Variants in MCFD2 observed in about 807,000 individuals in gnomAD.
MCFD2 encodes the protein multiple coagulation factor deficiency 2, ER cargo receptor complex subunit.
Under a neutral mutation model 12.8 loss-of-function variants are expected in MCFD2, and 11 were observed. The ratio of observed to expected loss-of-function variants is 0.86; its 90% confidence interval spans 0.54 to 1.42. The LOEUF is 1.42. MCFD2 is among the 40% of genes most tolerant of loss of function. The pLI is 0.00. For missense variants in MCFD2, 191 were observed against 178.6 expected (o/e 1.07, Z -0.40); for synonymous variants, 70 against 68.1 (o/e 1.03, Z -0.14).
At chr2:46,935,079 G>A (rs1669908437) in intron 1 of MCFD2, among the ~76,000 whole-genome samples, 1 of 152,102 alleles carries the variant, frequency 6.6e-6, no homozygotes, top group Non-Finnish European at 1.5e-5. Flanking sequence ...GATTACAGGT[G>A]TGAGCCACCA....
rs1668068210 is a variant in MCFD2, at chr2:46,902,889, CTGT to C, written c.*2571_*2573del. ...CTGAAAAGCATCCACTTGGCAAAGC[CTGT>C]TGTTTTACTTTTCAGGTGATGTGAA... On this transcript the variant is annotated 3_prime_UTR_variant, in exon 4 of 4. Transcript: ENST00000319466. The C allele has an allele frequency of 6.6e-6, 1 of 152,226 alleles. No individual in the cohort carries two copies. Among genetic ancestry groups the C allele is most frequent in the East Asian group, 1.9e-4 (1 of 5,206 alleles). The allele number at this position is 152,226 out of a possible 1,614,324, so 9.4% of individuals were successfully genotyped here. A position where few individuals can be genotyped will look rare whatever the true frequency, so the allele number is the denominator to read the frequency against.
chr2:46,905,663 A>G (rs1668192071), intron 3 of MCFD2, 69 bp from the exon 4 acceptor site: 1 of 1,411,256 alleles, frequency 7.1e-7, no homozygotes, highest in East Asian at 2.3e-5. Flanking sequence ...CTAACGTCCA[A>G]AATATCCATG....
intron 1 of MCFD2, among the ~76,000 whole-genome samples, chr2:46,933,662 G>A (rs1218781691): frequency 2.0e-5 from 3 of 152,236 alleles, no homozygotes; most frequent in Non-Finnish European, 4.4e-5. Flanking sequence ...ATTTCCGAAT[G>A]TAGCGATCCT....
rs1156510458 is a variant in MCFD2 at position 46,941,642 on chromosome 2, G to A, written c.-78C>T. 3.2e-6 allele frequency: 5 copies of A among 1,553,044 alleles called. No homozygotes were observed. Among genetic ancestry groups the A allele is most frequent in the Middle Eastern group, 1.7e-4 (1 of 5,954 alleles). ...TGGGACCGCATGCCGGAGCTGGTCC[G>A]GCAGCTGCAGACGCTGAGCATGCCC... On this transcript the variant is annotated 5_prime_UTR_variant, in exon 1 of 3. Coordinates refer to the MCFD2 transcript ENST00000409147. The surrounding 1 kb of genome is among the most constrained non-coding windows in gnomAD (Gnocchi z 4.2).
upstream of MCFD2, among the ~76,000 whole-genome samples, chr2:46,919,533 CTAAA>C (rs1248555311): frequency 6.6e-6 from 1 of 152,204 alleles, no homozygotes; most frequent in African/African-American, 2.4e-5. Context: ...AACTCTGTCT[CTAAA>C]TAAATAAATA....
chr2:46,917,985 C>T (rs1668903416), upstream of MCFD2, among the ~76,000 whole-genome samples: 1 of 152,190 alleles, frequency 6.6e-6, no homozygotes, highest in Admixed American at 6.5e-5. Context: ...TCCACCCTCC[C>T]TATGTGAGTT....
At chr2:46,931,416 T>C (rs1439053813) in intron 1 of MCFD2, among the ~76,000 whole-genome samples, 1 of 152,238 alleles carries the variant, frequency 6.6e-6, no homozygotes, top group Non-Finnish European at 1.5e-5. Context: ...AAAAGGACTT[T>C]GCAGAGGTGA....
At position 46,941,241 on chromosome 2, in the gene MCFD2, G is replaced by A. The variant is rs1406656747; in HGVS notation, c.-8+331C>T. Reference sequence around the variant, plus strand: ...CGGAGGCTGTGGCAGCAGCTGCAGCGGCGGCGGCGGCGGCAGCGCCAGGAG... The same window carrying A: ...CGGAGGCTGTGGCAGCAGCTGCAGCAGCGGCGGCGGCGGCAGCGCCAGGAG... On this transcript the variant is annotated intron_variant, in intron 1 of 2. Transcript: ENST00000409147. This position sits in a 1 kb window ranked among gnomAD's most constrained non-coding sequence, Gnocchi z 4.2. The A allele has an allele frequency of 2.0e-5, 3 of 149,056 alleles. 1 individual carries two copies. The highest frequency in any genetic ancestry group is 3.5e-4 in the South Asian group (2 of 5,676). 9.2% of individuals were successfully genotyped at this position (149,056 alleles called of 1,614,324 possible).
intron 1 of MCFD2, among the ~76,000 whole-genome samples, chr2:46,936,469 G>A (rs532349944): frequency 2.2e-4 from 33 of 152,112 alleles, no homozygotes; most frequent in African/African-American, 8.0e-4. Context: ...TGTCTGCTGG[G>A]AACTGTAAAT....
At position 46,908,664 on chromosome 2, in the gene MCFD2, G is replaced by C. The variant is rs753267630; in HGVS notation, c.149+359C>G. On this transcript the variant is annotated intron_variant, in intron 2 of 3. Transcript: ENST00000319466. The surrounding 1 kb of genome is among the most constrained non-coding windows in gnomAD (Gnocchi z 4.5). The stretch of plus-strand genomic sequence containing the variant: ...TGTTTGAATGTGTTGATTTAAAAAA[G>C]GTCTTGTTATAGTCAAGAAACCTTA... The C allele has an allele frequency of 2.9e-6, 1 of 343,724 alleles. No individual in the cohort carries two copies. Among genetic ancestry groups the C allele is most frequent in the Non-Finnish European group, 5.6e-6 (1 of 180,138 alleles). 21.3% of individuals were successfully genotyped at this position (343,724 alleles called of 1,614,324 possible).
upstream of MCFD2, chr2:46,916,468 A>C (rs1185349255): frequency 1.3e-5 from 2 of 152,412 alleles, no homozygotes; most frequent in African/African-American, 4.8e-5. Flanking sequence ...CAGATTACTT[A>C]AAAACAGACT....
Position 46,908,956 on chromosome 2 carries a change from C to G in MCFD2, c.149+67G>C. 6.3e-6 allele frequency: 10 copies of G among 1,595,446 alleles called. No homozygotes were observed. The highest frequency in any genetic ancestry group is 1.7e-5 in the Admixed American group (1 of 59,982). Reference sequence around the variant, plus strand: ...AGAAGGAAAGGAGGACTGAGCATGCCCTTGCCGCTGGCTCAGCTGCAGATG... The same window carrying G: ...AGAAGGAAAGGAGGACTGAGCATGCGCTTGCCGCTGGCTCAGCTGCAGATG... On this transcript the variant is annotated intron_variant, in intron 2 of 3. Transcript: ENST00000319466. This position sits in a 1 kb window ranked among gnomAD's most constrained non-coding sequence, Gnocchi z 4.5.
chr2:46,941,045 G>T lies in MCFD2; in HGVS notation c.-8+527C>A, dbSNP rs555775679. On this transcript the variant is annotated intron_variant, in intron 1 of 2. Transcript: ENST00000409147. This position sits in a 1 kb window ranked among gnomAD's most constrained non-coding sequence, Gnocchi z 4.2. Reference sequence around the variant, plus strand: ...AGTGAGCTCCGACTCCGCGGCGGGGGCGGCGGCGGGGGGCGGGTACCCGGG... The same window carrying T: ...AGTGAGCTCCGACTCCGCGGCGGGGTCGGCGGCGGGGGGCGGGTACCCGGG... 6.6e-6 allele frequency: 1 copy of T among 151,914 alleles called. No individual in the cohort carries two copies. Among genetic ancestry groups the T allele is most frequent in the South Asian group, 1.8e-4 (1 of 5,516 alleles). 9.4% of individuals were successfully genotyped at this position (151,914 alleles called of 1,614,324 possible).
chr2:46,940,297 T>C lies in MCFD2; in HGVS notation c.-8+1275A>G, dbSNP rs1157836036. Among the ~76,000 whole-genome samples the C allele has an allele frequency of 6.6e-6, 1 of 152,222 alleles. No homozygotes were observed. The highest frequency in any genetic ancestry group is 6.5e-5 in the Admixed American group (1 of 15,282). On this transcript the variant is annotated intron_variant, in intron 1 of 2. Transcript: ENST00000409147. This position sits in a 1 kb window ranked among gnomAD's most constrained non-coding sequence, Gnocchi z 4.7. ...CCCTGACCCTGCTGTCTTTTGAGTC[T>C]TCAGTCTGGACCATACAATGTGTCA...
chr2:46,918,180 A>C (rs1668913523), upstream of MCFD2, among the ~76,000 whole-genome samples: 1 of 152,074 alleles, frequency 6.6e-6, no homozygotes, highest in Non-Finnish European at 1.5e-5. Context: ...TTTCACCCCC[A>C]AACCTGCACC....
At chr2:46,920,393 G>T (rs1400082463), upstream of MCFD2, among the ~76,000 whole-genome samples, 1 of 151,850 alleles carries the variant, frequency 6.6e-6, no homozygotes, top group African/African-American at 2.4e-5. Flanking sequence ...ACAGTGGCAC[G>T]ATCTTAGCTC....
At chr2:46,935,043 C>T (rs1203089224) in intron 1 of MCFD2, among the ~76,000 whole-genome samples, 1 of 152,016 alleles carries the variant, frequency 6.6e-6, no homozygotes, top group Non-Finnish European at 1.5e-5. Flanking sequence ...TCGTGATCCA[C>T]CCACCTCGGC....
rs1670276552 is a variant in MCFD2 at position 46,940,919 on chromosome 2, A to G, written c.-8+653T>C. 6.6e-6 allele frequency among the ~76,000 whole-genome samples: 1 copy of G among 151,996 alleles called. No homozygotes were observed. Among genetic ancestry groups the G allele is most frequent in the African/African-American group, 2.4e-5 (1 of 41,424 alleles). ...GGTGACGGGGCCACCACACAAAGCC[A>G]GGTCGTCGGGCAGTGGTCTCCCAGG... On this transcript the variant is annotated intron_variant, in intron 1 of 2. Coordinates refer to the MCFD2 transcript ENST00000409147. The surrounding 1 kb of genome is among the most constrained non-coding windows in gnomAD (Gnocchi z 4.7).
chr2:46,935,371 A>G (rs1178456416), intron 1 of MCFD2, among the ~76,000 whole-genome samples: 1 of 152,226 alleles, frequency 6.6e-6, no homozygotes, highest in Non-Finnish European at 1.5e-5. Flanking sequence ...TCATTGGAAG[A>G]GCTGCTTTAA....
Sources: gnomAD v4.1 joint callset for allele counts (sites outside exome capture counted in the v4.1 genomes callset) on GRCh38, gnomAD v4.1.1 for gene constraint, Gnocchi (gnomAD v3.1) non-coding constraint, MANE v1.5 for transcripts, NCBI Gene and HGNC (gene_info 2026-07-23, HGNC 2026-07-21) for gene names.